Variants in DLG2 observed in about 807,000 individuals in gnomAD.
DLG2 encodes disks large homolog 2.
DLG2 carries 45 observed loss-of-function variants against 132.5 expected under a neutral mutation model. The ratio of observed to expected loss-of-function variants is 0.34; its 90% CI spans 0.27 to 0.44. The LOEUF (loss-of-function observed/expected upper bound fraction) is 0.44. Ranked by LOEUF, DLG2 falls within the 20% of genes least tolerant of loss-of-function variation. DLG2 has a pLI of 1.00. For synonymous variants in DLG2, 424 were observed against 419.6 expected (o/e 1.01, Z -0.13); for missense variants, 1,045 against 1,196.9 (o/e 0.87, Z 1.87).
intron 7 of DLG2, 77 bp downstream of exon 7, chr11:84,534,493 G>A: frequency 6.9e-7 from 1 of 1,442,908 alleles, no homozygotes; most frequent in South Asian, 1.2e-5. Context: ...ATTTAATCGG[G>A]CCAGCAAACA....
chr11:83,579,167 T>A (rs1298274318), intron 19 of DLG2, among the ~76,000 whole-genome samples: 1 of 152,230 alleles, frequency 6.6e-6, no homozygotes, highest in East Asian at 1.9e-4. Flanking sequence ...CAATGTGTTG[T>A]GGTAAGCAAA....
At chr11:84,092,378 T>C (rs916856223) in intron 10 of DLG2, among the ~76,000 whole-genome samples, 1 of 152,210 alleles carries the variant, frequency 6.6e-6, no homozygotes, top group Admixed American at 6.5e-5. Context: ...TTTCATGTAA[T>C]CTTACTATAT....
At position 85,167,014 on chromosome 11, in the gene DLG2, T is replaced by C. The variant is rs2078501786; in HGVS notation, c.187-12363A>G. Reference sequence around the variant, plus strand: ...ACTGTTTGGTAGATTACTTTTTTATTTATTTATATTATTTTGCTCAAACCT... The same window carrying C: ...ACTGTTTGGTAGATTACTTTTTTATCTATTTATATTATTTTGCTCAAACCT... On this transcript the variant is annotated intron_variant, in intron 4 of 27. Coordinates refer to ENST00000376104, the MANE Select transcript of DLG2 (RefSeq NM_001142699.3). 2.0e-5 allele frequency among the ~76,000 whole-genome samples: 3 copies of C among 152,178 alleles called. No individual in the cohort carries two copies. In the South Asian group the frequency reaches 6.2e-4, roughly 31 times the overall value.
At chr11:83,933,021 C>T (rs2080669404) in intron 14 of DLG2, among the ~76,000 whole-genome samples, 1 of 152,176 alleles carries the variant, frequency 6.6e-6, no homozygotes, top group Non-Finnish European at 1.5e-5. Flanking sequence ...CTTCTCGGCC[C>T]TGAGTTCCAG....
At chr11:85,494,209 G>A (rs59585936) in intron 3 of DLG2, among the ~76,000 whole-genome samples, 1,556 of 152,238 alleles carry the variant, frequency 0.01, 26 homozygotes, top group African/African-American at 0.035. Flanking sequence ...ACCATCACTT[G>A]AACCACAGCA....
chr11:84,642,026 A>C (rs913390086), intron 6 of DLG2, among the ~76,000 whole-genome samples: 1 of 142,824 alleles, frequency 7.0e-6, no homozygotes, highest in Non-Finnish European at 1.5e-5. Context: ...ATATACACAC[A>C]CACACACATG....
At position 85,271,625 on chromosome 11, in the gene DLG2, C is replaced by G. The variant is rs1390307351; in HGVS notation, c.186+13595G>C. The stretch of plus-strand genomic sequence containing the variant: ...CCAGAGGGGCTGAGCTGCCCAAAAC[C>G]ATGGGGACCCAGCTCTTGCATAGCA... On this transcript the variant is annotated intron_variant, in intron 4 of 27. Transcript: ENST00000376104. 2.0e-5 allele frequency among the ~76,000 whole-genome samples: 3 copies of G among 152,232 alleles called. No homozygotes were observed. The East Asian group carries it at 5.8e-4, about 29-fold the overall frequency.
intron 3 of DLG2, among the ~76,000 whole-genome samples, chr11:85,583,847 T>C (rs2078788524): frequency 6.6e-6 from 1 of 152,196 alleles, no homozygotes; most frequent in Non-Finnish European, 1.5e-5. Flanking sequence ...TGCCTCAGTG[T>C]ATTGGGGTTG....
intron 6 of DLG2, among the ~76,000 whole-genome samples, chr11:84,908,346 G>T (rs1481913780): frequency 6.6e-6 from 1 of 152,062 alleles, no homozygotes; most frequent in African/African-American, 2.4e-5. Flanking sequence ...AAAATTCAAT[G>T]TGTTTTTTAC....
intron 18 of DLG2, among the ~76,000 whole-genome samples, chr11:83,752,410 T>C (rs1414013994): frequency 2.6e-5 from 4 of 152,108 alleles, no homozygotes; most frequent in South Asian, 2.1e-4. Context: ...CATCCAAGTA[T>C]GAATCATATA....
intron 3 of DLG2, among the ~76,000 whole-genome samples, chr11:85,417,553 G>A (rs1156285387): frequency 5.3e-5 from 8 of 152,076 alleles, no homozygotes; most frequent in African/African-American, 1.4e-4. Context: ...GGTAGAATTC[G>A]GCTGTGAATC....
At chr11:84,569,878 TGA>T (rs563010333) in intron 6 of DLG2, among the ~76,000 whole-genome samples, 1 of 152,270 alleles carries the variant, frequency 6.6e-6, no homozygotes, top group South Asian at 2.1e-4. Flanking sequence ...GGCTTTGCTG[TGA>T]GAGATAAATG....
chr11:85,560,750 G>A (rs966923747), intron 3 of DLG2, among the ~76,000 whole-genome samples: 1 of 151,828 alleles, frequency 6.6e-6, no homozygotes, highest in Non-Finnish European at 1.5e-5. Context: ...GCTGTGAGCT[G>A]GCTAGGCACA....
chr11:83,597,054 T>C (rs1278130677), intron 19 of DLG2, among the ~76,000 whole-genome samples: 2 of 152,072 alleles, frequency 1.3e-5, no homozygotes, highest in Admixed American at 6.5e-5. Flanking sequence ...GAGATCTGAG[T>C]TTAGGGAGTC....
intron 6 of DLG2, among the ~76,000 whole-genome samples, chr11:84,799,722 C>T (rs960875031): frequency 3.9e-5 from 6 of 152,170 alleles, no homozygotes; most frequent in South Asian, 2.1e-4. Flanking sequence ...ACTTGTCAAA[C>T]GGCACTGTAA....
chr11:84,405,977 A>T (rs1404597907), intron 7 of DLG2, among the ~76,000 whole-genome samples: 1 of 152,108 alleles, frequency 6.6e-6, no homozygotes, highest in Non-Finnish European at 1.5e-5. Context: ...ATCTCTTGCC[A>T]AGATCATGAG....
intron 6 of DLG2, among the ~76,000 whole-genome samples, chr11:84,727,475 C>A (rs1043889888): frequency 6.6e-6 from 1 of 152,120 alleles, no homozygotes. Flanking sequence ...CTTCCAGTAC[C>A]ATGCTGTTTT....
intron 20 of DLG2, among the ~76,000 whole-genome samples, chr11:83,535,893 A>G (rs1489604064): frequency 1.3e-5 from 2 of 152,202 alleles, no homozygotes; most frequent in African/African-American, 2.4e-5. Context: ...ATAACTGAAG[A>G]AACTGAGACT....
chr11:84,982,183 A>G (rs1719344466), intron 6 of DLG2, among the ~76,000 whole-genome samples: 1 of 150,776 alleles, frequency 6.6e-6, no homozygotes, highest in Non-Finnish European at 1.5e-5. Flanking sequence ...TAACAATTTC[A>G]TAAATCTATA....
Sources: allele counts gnomAD v4.1 joint callset (sites outside exome capture counted in the v4.1 genomes callset), GRCh38; gene constraint gnomAD v4.1.1; transcripts MANE v1.5; gene names NCBI Gene and HGNC (gene_info 2026-07-23, HGNC 2026-07-21).